The following ZNF430 variants were observed in gnomAD, a reference collection of about 807,000 sequenced individuals.
ZNF430 encodes zinc finger protein 430.
A neutral mutation model predicts 56.7 loss-of-function variants in ZNF430; 35 were observed. That is an observed-to-expected ratio of 0.62 (90% CI 0.47 to 0.82). The LOEUF (loss-of-function observed/expected upper bound fraction) is 0.82, where lower values mean the gene tolerates loss of function less well. Ranked by LOEUF, ZNF430 falls within the 40% of genes least tolerant of loss-of-function variation. The probability of loss-of-function intolerance (pLI) is 0.00; values close to 1 mark genes in which losing one functional copy is unlikely to be tolerated. For missense variants in ZNF430, 574 were observed against 661.0 expected (o/e 0.87, Z 1.44); for synonymous variants, 212 against 224.3 (o/e 0.94, Z 0.49).
chr19:21,034,731 G>T (rs1470948854), intron 4 of ZNF430: 1 of 152,196 alleles, frequency 6.6e-6, no homozygotes, highest in African/African-American at 2.4e-5. Flanking sequence ...TAGAGACAGG[G>T]TTTCACCATG....
Position 21,057,674 on chromosome 19 carries a change from C to T in ZNF430, c.1366C>T (p.Pro456Ser), listed in dbSNP as rs761691283. The T allele has an allele frequency of 6.2e-7, 1 of 1,611,192 alleles. No homozygotes were observed. The highest frequency in any genetic ancestry group is 1.7e-5 in the Admixed American group (1 of 59,618). ...TAAGATAATTCATACTGGAGAGAAA[C>T]CCTACAAATGTGAAGAATGTGGCAA... ...AHKIIHTGEK[P>S]YKCEECGKAF... Residue 456 changes from proline (P) to serine (S), a missense_variant, in exon 5 of 5, where the codon CCC becomes TCC. By Grantham distance (74) the Pro-to-Ser change is moderately conservative. Transcript: ENST00000261560.
chr19:21,045,014 A>C (rs1968164489), intron 4 of ZNF430, among the ~76,000 whole-genome samples: 1 of 151,460 alleles, frequency 6.6e-6, no homozygotes, highest in Non-Finnish European at 1.5e-5. Context: ...TAATGTTTTC[A>C]AAAAAAATAG....
chr19:21,040,818 C>T (rs574550560), intron 4 of ZNF430, among the ~76,000 whole-genome samples: 4 of 151,718 alleles, frequency 2.6e-5, no homozygotes, highest in Non-Finnish European at 4.4e-5. Flanking sequence ...ATATTGGAGT[C>T]CTGATGTTAT....
At chr19:21,034,219 G>A in intron 4 of ZNF430, 35 bp downstream of exon 4, 2 of 1,375,298 alleles carry the variant, frequency 1.5e-6, no homozygotes, top group Non-Finnish European at 1.0e-6. Flanking sequence ...CGACATGAAT[G>A]AGAGGTCCAA....
chr19:21,053,598 T>C (rs947138558), intron 4 of ZNF430: 1 of 152,394 alleles, frequency 6.6e-6, no homozygotes, highest in South Asian at 2.1e-4. Context: ...TTCACCATGT[T>C]GGCCAGGCTG....
chr19:21,022,905 T>G (rs1407777347), intron 2 of ZNF430, 24 bp downstream of exon 2: 1 of 1,528,760 alleles, frequency 6.5e-7, no homozygotes, highest in Non-Finnish European at 9.1e-7. Context: ...ATGTTAAAAT[T>G]GTCTTCACCC....
rs990459879 is a variant in ZNF430, at chr19:21,052,913, C to T, written c.323-3718C>T. Among the ~76,000 whole-genome samples the T allele has an allele frequency of 2.0e-5, 3 of 152,146 alleles. No homozygotes were observed. The East Asian group carries it at 5.8e-4, about 29-fold the overall frequency. On this transcript the variant is annotated intron_variant, in intron 4 of 4. Transcript: ENST00000261560. ...CATACAGGCACACGCAGCACAGTTT[C>T]AACAAACAATTATCTCTTAGTGCAC...
At chr19:21,032,927 G>A (rs1459549810) in intron 2 of ZNF430, among the ~76,000 whole-genome samples, 1 of 152,152 alleles carries the variant, frequency 6.6e-6, no homozygotes, top group African/African-American at 2.4e-5. Flanking sequence ...CACTCGAAGT[G>A]TACAAATTTT....
intron 4 of ZNF430, among the ~76,000 whole-genome samples, chr19:21,050,921 G>A (rs1028044108): frequency 7.2e-5 from 11 of 152,012 alleles, no homozygotes; most frequent in African/African-American, 1.9e-4. Context: ...CTAGCTACTC[G>A]GGAGGCTGAG....
intron 2 of ZNF430, among the ~76,000 whole-genome samples, chr19:21,025,694 C>T (rs925719241): frequency 1.3e-5 from 2 of 151,910 alleles, no homozygotes; most frequent in African/African-American, 4.8e-5. Flanking sequence ...TCAAGTATTT[C>T]TCCTGCCTCA....
At chr19:21,029,842 G>A (rs1236362557) in intron 2 of ZNF430, among the ~76,000 whole-genome samples, 1 of 152,174 alleles carries the variant, frequency 6.6e-6, no homozygotes, top group South Asian at 2.1e-4. Flanking sequence ...GCACATGCCT[G>A]TAATCCCAGC....
Position 21,057,950 on chromosome 19 carries a change from A to C in ZNF430, c.1642A>C (p.Lys548Gln), listed in dbSNP as rs1457990406. Residue 548 changes from lysine (K) to glutamine (Q), a missense_variant, in exon 5 of 5, where the codon AAA (lysine) becomes CAA (glutamine). By Grantham distance (53) the Lys-to-Gln change is moderately conservative. Around this residue, in one of 3 missense-constraint regions of ZNF430, gnomAD observed 213 missense variants for 221.0 expected, o/e 0.96. Transcript: ENST00000261560. ...ACCCTACAACTGTGAAGAATACGGCAAAGCTTTCAACCAGTCCTCAAACCT... is the reference window on the plus strand; with the variant it reads ...ACCCTACAACTGTGAAGAATACGGCCAAGCTTTCAACCAGTCCTCAAACCT... ...EKPYNCEEYG[K>Q]AFNQSSNLIE... The C allele has an allele frequency of 6.2e-7, 1 of 1,613,292 alleles. No homozygotes were observed. The highest frequency in any genetic ancestry group is 1.7e-5 in the Admixed American group (1 of 59,890).
At chr19:21,052,978 G>A (rs926722276) in intron 4 of ZNF430, among the ~76,000 whole-genome samples, 5 of 152,100 alleles carry the variant, frequency 3.3e-5, no homozygotes, top group African/African-American at 1.2e-4. Flanking sequence ...GACTACTATT[G>A]GGTCACAGTC....
At chr19:21,035,538 T>A (rs1364166748) in intron 4 of ZNF430, 1 of 213,930 alleles carries the variant, frequency 4.7e-6, no homozygotes, top group Non-Finnish European at 1.0e-5. Flanking sequence ...TTCTGCCACA[T>A]ACTTCCAGTG....
At chr19:21,035,065 G>T (rs937631793) in intron 4 of ZNF430, 1 of 151,948 alleles carries the variant, frequency 6.6e-6, no homozygotes, top group Non-Finnish European at 1.5e-5. Context: ...GTTGTTTCTT[G>T]TAAATTTTAG....
chr19:21,044,414 G>T (rs1968154422), intron 4 of ZNF430, among the ~76,000 whole-genome samples: 1 of 152,122 alleles, frequency 6.6e-6, no homozygotes, highest in Admixed American at 6.5e-5. Context: ...AAATAGCCTT[G>T]CATCCCAGGG....
intron 4 of ZNF430, chr19:21,049,693 A>G (rs1968250199): frequency 6.6e-6 from 1 of 152,144 alleles, no homozygotes; most frequent in Admixed American, 6.6e-5. Context: ...TTCGTGCAAC[A>G]TTTCTTGTTA....
chr19:21,031,443 T>C (rs528576348), intron 2 of ZNF430, among the ~76,000 whole-genome samples: 1 of 152,260 alleles, frequency 6.6e-6, no homozygotes, highest in South Asian at 2.1e-4. Flanking sequence ...GTGGCTCATA[T>C]TTCCATTACT....
At chr19:21,038,544 C>T (rs1968044961) in intron 4 of ZNF430, among the ~76,000 whole-genome samples, 1 of 152,094 alleles carries the variant, frequency 6.6e-6, no homozygotes, top group South Asian at 2.1e-4. Flanking sequence ...TATTCTGCCT[C>T]AGTCCCCCAA....
Sources: allele counts gnomAD v4.1 joint callset (sites outside exome capture counted in the v4.1 genomes callset), GRCh38; gene constraint gnomAD v4.1.1; regional missense constraint gnomAD v4.1.1; transcripts MANE v1.5; gene names NCBI Gene and HGNC (gene_info 2026-07-23, HGNC 2026-07-21).